The following ATP6V1H variants were observed in gnomAD, a reference collection of about 807,000 sequenced individuals.
ATP6V1H encodes the protein ATPase H+ transporting V1 subunit H.
In ATP6V1H, 39 loss-of-function variants were observed where a neutral mutation model predicts 71.7. The observed-to-expected ratio is 0.54, with a 90% CI of 0.42 to 0.71. ATP6V1H has a LOEUF of 0.71. Ranked by LOEUF, ATP6V1H falls within the 30% of genes least tolerant of loss-of-function variation. The pLI is 0.00. For synonymous variants in ATP6V1H, 192 were observed against 199.3 expected (o/e 0.96, Z 0.31); for missense variants, 509 against 594.9 (o/e 0.86, Z 1.50).
chr8:53,838,387 G>A (rs1285536003), intron 2 of ATP6V1H, among the ~76,000 whole-genome samples: 1 of 152,136 alleles, frequency 6.6e-6, no homozygotes, highest in Non-Finnish European at 1.5e-5. Flanking sequence ...GCAAAGGGCT[G>A]GGATTACAGG....
chr8:53,839,262 A>C (rs1443902288), intron 2 of ATP6V1H, among the ~76,000 whole-genome samples: 20 of 152,208 alleles, frequency 1.3e-4, no homozygotes. Flanking sequence ...TAGGCTATAA[A>C]CAGATCCAGG....
chr8:53,825,289 A>T (rs924273529), intron 4 of ATP6V1H, among the ~76,000 whole-genome samples: 4 of 152,024 alleles, frequency 2.6e-5, no homozygotes, highest in African/African-American at 9.7e-5. Context: ...CTCCCACCTC[A>T]GCCTCCCAAG....
intron 9 of ATP6V1H, among the ~76,000 whole-genome samples, chr8:53,791,993 C>A (rs4737761): frequency 0.31 from 46,719 of 152,118 alleles, 15,278 homozygotes; most frequent in African/African-American, 0.82. Flanking sequence ...TAAATAAATA[C>A]GAATATGGAT....
At chr8:53,826,674 C>T (rs987252687) in intron 4 of ATP6V1H, among the ~76,000 whole-genome samples, 9 of 152,032 alleles carry the variant, frequency 5.9e-5, no homozygotes. Context: ...GGGCTGAGCG[C>T]AGTGGCTCAC....
chr8:53,757,070 A>G (rs1808092414), intron 11 of ATP6V1H, among the ~76,000 whole-genome samples: 1 of 152,224 alleles, frequency 6.6e-6, no homozygotes, highest in African/African-American at 2.4e-5. Context: ...AGCACTAAGC[A>G]CACACGTCTT....
chr8:53,751,861 G>A (rs567597839), intron 12 of ATP6V1H, among the ~76,000 whole-genome samples: 53 of 151,904 alleles, frequency 3.5e-4, no homozygotes, highest in Non-Finnish European at 4.0e-4. Context: ...GTAGAGACGG[G>A]GTTTCACCAT....
chr8:53,801,936 T>C (rs901461732), intron 7 of ATP6V1H, 40 bp from the exon 8 acceptor site: 9 of 1,560,488 alleles, frequency 5.8e-6, no homozygotes, highest in South Asian at 2.3e-5. Flanking sequence ...ATGGGAAGCA[T>C]TTAAAGTCAT....
chr8:53,825,825 T>C (rs1007730254), intron 4 of ATP6V1H, among the ~76,000 whole-genome samples: 1 of 152,108 alleles, frequency 6.6e-6, no homozygotes, highest in Non-Finnish European at 1.5e-5. Flanking sequence ...TGAATTCCAC[T>C]GTAAACTTGG....
At position 53,835,208 on chromosome 8, in the gene ATP6V1H, G is replaced by T. The variant is rs1041197964; in HGVS notation, c.114-2122C>A. On this transcript the variant is annotated intron_variant, in intron 2 of 13. Coordinates refer to ENST00000359530, the MANE Select transcript of ATP6V1H (RefSeq NM_015941.4). Reference sequence around the variant, plus strand: ...CACTTTCAGAGCTGCCTCGGGTCAGGCTCCCAGAGCTGGGCCCTGAGACGA... The same window carrying T: ...CACTTTCAGAGCTGCCTCGGGTCAGTCTCCCAGAGCTGGGCCCTGAGACGA... Among the ~76,000 whole-genome samples the T allele has an allele frequency of 2.6e-5, 4 of 152,184 alleles. No homozygotes were observed. In the East Asian group the frequency reaches 7.7e-4, roughly 29 times the overall value.
chr8:53,800,956 T>G (rs1243689649), intron 8 of ATP6V1H, among the ~76,000 whole-genome samples: 2 of 152,198 alleles, frequency 1.3e-5, no homozygotes, highest in African/African-American at 4.8e-5. Context: ...ATTTTATAGA[T>G]TAATAGAAAA....
intron 12 of ATP6V1H, among the ~76,000 whole-genome samples, chr8:53,747,178 TTAG>T (rs1231411423): frequency 6.6e-6 from 1 of 152,208 alleles, no homozygotes; most frequent in Non-Finnish European, 1.5e-5. Flanking sequence ...TTCTATTTGT[TTAG>T]TATTCTAAAC....
chr8:53,812,695 G>GT (rs1180578997), intron 6 of ATP6V1H, among the ~76,000 whole-genome samples: 42 of 151,938 alleles, frequency 2.8e-4, no homozygotes, highest in African/African-American at 9.6e-4. Flanking sequence ...TTTTTGTGGG[G>GT]TTTTTTTTGT....
intron 5 of ATP6V1H, among the ~76,000 whole-genome samples, chr8:53,816,763 T>C (rs1379326534): frequency 6.6e-6 from 1 of 152,102 alleles, no homozygotes; most frequent in East Asian, 1.9e-4. Context: ...ACAACTGCAC[T>C]TCAGTCTGGC....
At chr8:53,716,169 A>G (rs942722124) in intron 13 of ATP6V1H, 145 bp from the exon 14 acceptor site, 1 of 618,360 alleles carries the variant, frequency 1.6e-6, no homozygotes, top group African/African-American at 1.9e-5. Flanking sequence ...AAACTTTTCC[A>G]AATTTCCAAA....
chr8:53,835,164 T>C (rs1329697644), intron 2 of ATP6V1H, among the ~76,000 whole-genome samples: 2 of 151,826 alleles, frequency 1.3e-5, no homozygotes, highest in African/African-American at 4.8e-5. Flanking sequence ...AAAAAAAGCA[T>C]AGTTATAGAA....
intron 9 of ATP6V1H, among the ~76,000 whole-genome samples, chr8:53,780,843 A>G (rs557005378): frequency 4.9e-4 from 74 of 152,312 alleles, no homozygotes; most frequent in African/African-American, 1.7e-3. Context: ...TTCCAGCTTC[A>G]TCCATGTCCC....
Position 53,741,523 on chromosome 8 carries a change from T to C in ATP6V1H, c.1391+2054A>G, listed in dbSNP as rs558877540. Among the ~76,000 whole-genome samples the C allele has an allele frequency of 8.5e-5, 13 of 152,340 alleles. 1 individual carries two copies. Among genetic ancestry groups the C allele is most frequent in the East Asian group, 3.9e-4 (2 of 5,194 alleles). ...GCAACTATAAGCTCATTGGTTGCAA[T>C]GGCCTGAAATTCTATTAAATGCCAA... On this transcript the variant is annotated intron_variant, in intron 13 of 13. Coordinates refer to ENST00000359530, the MANE Select transcript of ATP6V1H (RefSeq NM_015941.4).
chr8:53,755,373 A>G (rs1346399789), intron 12 of ATP6V1H, among the ~76,000 whole-genome samples: 1 of 151,832 alleles, frequency 6.6e-6, no homozygotes, highest in East Asian at 1.9e-4. Flanking sequence ...GCCAAGTACA[A>G]AAGGGACAAG....
chr8:53,806,252 G>A lies in ATP6V1H; in HGVS notation c.580-4356C>T, dbSNP rs527305493. ...AGAAAAATAATATCTCTACCACTGG[G>A]AAAAATAAAAAAAAACTGTCATGAC... On this transcript the variant is annotated intron_variant, in intron 7 of 13. Coordinates refer to ENST00000359530, the MANE Select transcript of ATP6V1H (RefSeq NM_015941.4). 4.0e-5 allele frequency among the ~76,000 whole-genome samples: 6 copies of A among 150,672 alleles called. No homozygotes were observed. The East Asian group carries it at 9.7e-4, about 24-fold the overall frequency.
Sources: gnomAD v4.1 joint callset for allele counts (sites outside exome capture counted in the v4.1 genomes callset) on GRCh38, gnomAD v4.1.1 for gene constraint, MANE v1.5 for transcripts, NCBI Gene and HGNC (gene_info 2026-07-23, HGNC 2026-07-21) for gene names.